Variants in LRP1B observed in about 807,000 individuals in gnomAD.
LRP1B encodes low-density lipoprotein receptor-related protein 1B.
Under a neutral mutation model 556.6 loss-of-function variants are expected in LRP1B, and 217 were observed. That is an observed-to-expected ratio of 0.39 (90% CI 0.35 to 0.44). The LOEUF is 0.44. LRP1B is among the 20% of genes least tolerant of loss of function. The pLI, the probability that LRP1B is intolerant of heterozygous loss-of-function variation, is 1.00. For synonymous variants in LRP1B, 2,047 were observed against 1,865.8 expected, an observed-to-expected ratio of 1.10 and a Z score of -2.50; for missense variants, 5,053 against 5,620.8, an observed-to-expected ratio of 0.90 and a Z score of 3.23.
At chr2:141,950,905 G>A (rs934985366) in intron 1 of LRP1B, among the ~76,000 whole-genome samples, 2 of 152,058 alleles carry the variant, frequency 1.3e-5, no homozygotes, top group African/African-American at 4.8e-5. Flanking sequence ...AAATCAGTTG[G>A]TATCCTTCTC....
intron 7 of LRP1B, among the ~76,000 whole-genome samples, chr2:141,141,360 G>A (rs1475520222): frequency 5.3e-5 from 8 of 151,960 alleles, no homozygotes; most frequent in Admixed American, 3.9e-4. Context: ...TCCTAAAATG[G>A]TTTTATGTGT....
rs1279798898 is a variant in LRP1B, at chr2:141,325,236, A to G, written c.344-70595T>C. Among the ~76,000 whole-genome samples the G allele has an allele frequency of 3.3e-5, 5 of 152,192 alleles. No homozygotes were observed. The East Asian group carries it at 9.6e-4, about 29-fold the overall frequency. On this transcript the variant is annotated intron_variant, in intron 3 of 90. Transcript: ENST00000389484. ...CAAATTATCCACAAGGAAGACTAAT[A>G]AACGTGGACTTTGGGCAGATATCAC... is the stretch of plus-strand genomic sequence containing the variant.
intron 42 of LRP1B, 44 bp downstream of exon 42, chr2:140,601,406 G>T (rs2105197773): frequency 7.3e-7 from 1 of 1,363,668 alleles, no homozygotes; most frequent in South Asian, 1.7e-5. Flanking sequence ...ATATTCTTTT[G>T]ACTTATAACT....
rs549819289 is a variant in LRP1B, at chr2:140,706,483, T to C, written c.6024-3930A>G. Among the ~76,000 whole-genome samples the C allele has an allele frequency of 4.6e-5, 7 of 152,012 alleles. No individual in the cohort carries two copies. The South Asian group carries it at 1.2e-3, about 27-fold the overall frequency. On this transcript the variant is annotated intron_variant, in intron 37 of 90. Transcript: ENST00000389484. ...CTTTATTTAAATAAGCTTGCACTTATAAATTTAAAAACATATAATTTTAAA... is the reference window on the plus strand; with the variant it reads ...CTTTATTTAAATAAGCTTGCACTTACAAATTTAAAAACATATAATTTTAAA...
intron 41 of LRP1B, among the ~76,000 whole-genome samples, chr2:140,638,162 G>A (rs1485930431): frequency 6.6e-6 from 1 of 152,154 alleles, no homozygotes; most frequent in Non-Finnish European, 1.5e-5. Flanking sequence ...TAATTTTACA[G>A]TAAGTAATTG....
Position 141,193,139 on chromosome 2 carries a change from G to A in LRP1B, c.851-4556C>T, listed in dbSNP as rs183454311. On this transcript the variant is annotated intron_variant, in intron 6 of 90. Coordinates refer to ENST00000389484, the MANE Select transcript of LRP1B (RefSeq NM_018557.3). ...ACACTTACACATTGTCGATGGGATC[G>A]TAAATTAGTTCAACCATTGTAGAAA... is the stretch of plus-strand genomic sequence containing the variant. Among the ~76,000 whole-genome samples the A allele has an allele frequency of 1.3e-3, 197 of 152,130 alleles. 1 individual carries two copies. Among genetic ancestry groups the A allele is most frequent in the East Asian group, 6.0e-3 (31 of 5,146 alleles).
intron 1 of LRP1B, among the ~76,000 whole-genome samples, chr2:141,988,286 G>A (rs1702256719): frequency 6.6e-6 from 1 of 151,684 alleles, no homozygotes; most frequent in Non-Finnish European, 1.5e-5. Context: ...ATGAATTACT[G>A]GTTTCTTGTG....
intron 3 of LRP1B, among the ~76,000 whole-genome samples, chr2:141,329,052 A>C: frequency 6.6e-6 from 1 of 152,312 alleles, no homozygotes; most frequent in South Asian, 2.1e-4. Flanking sequence ...ATATCATAAA[A>C]ATATAAAACT....
chr2:140,354,554 C>T (rs889745187), intron 75 of LRP1B, among the ~76,000 whole-genome samples: 49 of 151,992 alleles, frequency 3.2e-4, no homozygotes, highest in Admixed American at 3.2e-3. Context: ...TTTGTTCAGC[C>T]CCTGTAACTT....
chr2:141,365,394 A>G (rs1022121057), intron 3 of LRP1B, among the ~76,000 whole-genome samples: 1 of 151,696 alleles, frequency 6.6e-6, no homozygotes, highest in Non-Finnish European at 1.5e-5. Context: ...ATTTATTTTT[A>G]TTGCTGAATT....
chr2:141,676,899 G>A (rs1690904417), intron 2 of LRP1B, among the ~76,000 whole-genome samples: 1 of 152,112 alleles, frequency 6.6e-6, no homozygotes, highest in African/African-American at 2.4e-5. Flanking sequence ...TATGGGCCAA[G>A]CAATATTCTA....
intron 20 of LRP1B, among the ~76,000 whole-genome samples, chr2:140,932,829 T>C (rs1363434071): frequency 6.9e-6 from 1 of 145,562 alleles, no homozygotes; most frequent in African/African-American, 2.5e-5. Context: ...TGAGCTGTGA[T>C]TGTGCCAGTA....
chr2:141,062,652 C>T (rs147113830), intron 7 of LRP1B, among the ~76,000 whole-genome samples: 1 of 151,786 alleles, frequency 6.6e-6, no homozygotes, highest in African/African-American at 2.4e-5. Context: ...CCTTTATCTT[C>T]AACCTGCCTT....
chr2:141,406,306 A>G (rs1690631519), intron 3 of LRP1B, among the ~76,000 whole-genome samples: 1 of 152,104 alleles, frequency 6.6e-6, no homozygotes, highest in Non-Finnish European at 1.5e-5. Context: ...TATAAATAGG[A>G]TGTTCATATA....
chr2:140,642,382 C>T lies in LRP1B; in HGVS notation c.6800-40743G>A, dbSNP rs570269955. Reference sequence around the variant, plus strand: ...GTGAGCCCCATCTGAACTTCGTGCACGAGCATCTAACTACAATGTCCCAAT... The same window carrying T: ...GTGAGCCCCATCTGAACTTCGTGCATGAGCATCTAACTACAATGTCCCAAT... On this transcript the variant is annotated intron_variant, in intron 41 of 90. Coordinates refer to ENST00000389484, the MANE Select transcript of LRP1B (RefSeq NM_018557.3). 1.1e-4 allele frequency among the ~76,000 whole-genome samples: 16 copies of T among 152,230 alleles called. No homozygotes were observed. The East Asian group carries it at 1.4e-3, about 13-fold the overall frequency.
At chr2:140,329,712 A>G (rs2105073369) in intron 79 of LRP1B, among the ~76,000 whole-genome samples, 1 of 152,174 alleles carries the variant, frequency 6.6e-6, no homozygotes, top group African/African-American at 2.4e-5. Context: ...CTGTTCAAGG[A>G]GAACTACAAA....
chr2:140,645,714 A>G (rs1051425534), intron 41 of LRP1B, among the ~76,000 whole-genome samples: 1 of 150,832 alleles, frequency 6.6e-6, no homozygotes, highest in Admixed American at 6.6e-5. Context: ...AATTTTTTGT[A>G]TTTTTAGTAG....
intron 2 of LRP1B, among the ~76,000 whole-genome samples, chr2:141,743,488 TTTTTTTTTTTTTC>T (rs1286222038): frequency 9.3e-5 from 3 of 32,258 alleles, no homozygotes; most frequent in Non-Finnish European, 1.9e-4. Flanking sequence ...GCTTTTTTCT[TTTTTTTTTTTTTC>T]TTTTTTTTTT....
At chr2:140,779,202 TA>T (rs900516831) in intron 32 of LRP1B, among the ~76,000 whole-genome samples, 7 of 152,000 alleles carry the variant, frequency 4.6e-5, no homozygotes, top group Admixed American at 2.6e-4. Context: ...ACACTGTGCT[TA>T]AAAAAAATCT....
Sources: allele counts gnomAD v4.1 joint callset (sites outside exome capture counted in the v4.1 genomes callset), GRCh38; gene constraint gnomAD v4.1.1; transcripts MANE v1.5; gene names NCBI Gene and HGNC (gene_info 2026-07-23, HGNC 2026-07-21).